Variants in SCRG1 observed in about 807,000 individuals in gnomAD.
The protein encoded by SCRG1 is stimulator of chondrogenesis 1.
SCRG1 carries 3 observed loss-of-function variants against 7.7 expected under a neutral mutation model. The observed-to-expected ratio is 0.39, with a 90% CI of 0.18 to 1.01. SCRG1 has a LOEUF of 1.01. Ranked by LOEUF, SCRG1 falls within the 50% of genes least tolerant of loss-of-function variation. The pLI is 0.36. For missense variants in SCRG1, 110 were observed against 117.2 expected, an observed-to-expected ratio of 0.94 and a Z score of 0.28; for synonymous variants, 46 against 41.2, an observed-to-expected ratio of 1.12 and a Z score of -0.44.
chr4:173,509,736 C>CG, the SCRG1 span, among the ~76,000 whole-genome samples: 1 of 151,996 alleles, frequency 6.6e-6, no homozygotes, highest in Admixed American at 6.5e-5. This position sits in a 1 kb window ranked among gnomAD's most constrained non-coding sequence, Gnocchi z 5.7. Context: ...GGGCCCTTCT[C>CG]GGGGGAGATA....
upstream of SCRG1, among the ~76,000 whole-genome samples, chr4:173,400,870 A>G (rs1739743348): frequency 6.6e-6 from 1 of 152,208 alleles, no homozygotes; most frequent in Admixed American, 6.5e-5. Context: ...AGAATAGATT[A>G]TAAAGTTCAT....
chr4:173,501,737 G>T, the SCRG1 span, among the ~76,000 whole-genome samples: 1 of 152,170 alleles, frequency 6.6e-6, no homozygotes, highest in African/African-American at 2.4e-5. This position sits in a 1 kb window ranked among gnomAD's most constrained non-coding sequence, Gnocchi z 5.1. Context: ...TTATCTAGGA[G>T]AATTCAGGTT....
the SCRG1 span, among the ~76,000 whole-genome samples, chr4:173,432,860 G>T: frequency 2.6e-5 from 4 of 152,124 alleles, no homozygotes; most frequent in East Asian, 7.7e-4. Context: ...ACAGATTCAC[G>T]TAACACTACC....
the SCRG1 span, among the ~76,000 whole-genome samples, chr4:173,470,232 G>A: frequency 4.7e-4 from 69 of 148,346 alleles, 1 homozygote; most frequent in African/African-American, 1.6e-3. Context: ...TTACCAGATA[G>A]TATAAACTAT....
the SCRG1 span, among the ~76,000 whole-genome samples, chr4:173,450,365 A>G: frequency 1.3e-5 from 2 of 151,974 alleles, no homozygotes; most frequent in Non-Finnish European, 2.9e-5. Context: ...TACTCCAGAT[A>G]TTTTTTTTAA....
the SCRG1 span, among the ~76,000 whole-genome samples, chr4:173,472,437 C>T: frequency 2.0e-5 from 3 of 152,138 alleles, no homozygotes; most frequent in African/African-American, 4.8e-5. Flanking sequence ...GAAATTTGCT[C>T]ATGTGATTGT....
chr4:173,418,201 C>T, the SCRG1 span, among the ~76,000 whole-genome samples: 3 of 152,172 alleles, frequency 2.0e-5, no homozygotes, highest in East Asian at 1.9e-4. Context: ...AATACATTGC[C>T]CTCCCTGCAT....
chr4:173,508,642 A>G, the SCRG1 span, among the ~76,000 whole-genome samples: 1 of 152,226 alleles, frequency 6.6e-6, no homozygotes, highest in Non-Finnish European at 1.5e-5. This position sits in a 1 kb window ranked among gnomAD's most constrained non-coding sequence, Gnocchi z 4.4. Context: ...GAAAGGCACT[A>G]GAGAAGGCCT....
chr4:173,483,652 T>TGA, the SCRG1 span, among the ~76,000 whole-genome samples: 11 of 24,562 alleles, frequency 4.5e-4, 1 homozygote, highest in East Asian at 5.6e-3. Flanking sequence ...ATATGATATA[T>TGA]TATATTGTGA....
the SCRG1 span, among the ~76,000 whole-genome samples, chr4:173,463,464 C>A: frequency 2.0e-5 from 3 of 151,906 alleles, no homozygotes; most frequent in Non-Finnish European, 4.4e-5. Context: ...CAGTAGAGGC[C>A]CACCTCACTA....
rs1553964077 is a variant in SCRG1 at position 173,388,378 on chromosome 4, G to T, written c.260C>A (p.Pro87Gln). ...LCCPKDVFFG[P>Q]KISFVIPCNN... ...GCAAGGAATCACGAAAGAGATCTTT[G>T]GTCCAAAGAAAACGTCTCTGAAAGA... The change falls in exon 3 of 3, where the codon CCA becomes CAA. Residue 87 changes from proline (P) to glutamine (Q), a missense_variant. Physicochemically the swap from Pro to Gln is moderately conservative, Grantham distance 76. Coordinates refer to ENST00000296506, the MANE Select transcript of SCRG1 (RefSeq NM_007281.4). The T allele has an allele frequency of 1.2e-6, 2 of 1,611,122 alleles. No individual in the cohort carries two copies. Among genetic ancestry groups the T allele is most frequent in the Non-Finnish European group, 1.7e-6 (2 of 1,178,232 alleles).
chr4:173,414,726 C>A, the SCRG1 span, among the ~76,000 whole-genome samples: 1 of 152,204 alleles, frequency 6.6e-6, no homozygotes, highest in African/African-American at 2.4e-5. Flanking sequence ...ACAGCTTTCC[C>A]CATTTTTCCA....
At chr4:173,460,510 T>C in the SCRG1 span, among the ~76,000 whole-genome samples, 1 of 152,228 alleles carries the variant, frequency 6.6e-6, no homozygotes, top group Non-Finnish European at 1.5e-5. Flanking sequence ...GTCAGACTCA[T>C]GAGGCCTCCA....
the SCRG1 span, among the ~76,000 whole-genome samples, chr4:173,458,755 T>G: frequency 6.6e-6 from 1 of 152,056 alleles, no homozygotes; most frequent in Non-Finnish European, 1.5e-5. Context: ...TCATTACCTA[T>G]CAATAATACC....
chr4:173,443,183 A>G, the SCRG1 span, among the ~76,000 whole-genome samples: 1 of 152,170 alleles, frequency 6.6e-6, no homozygotes, highest in African/African-American at 2.4e-5. Context: ...TGCTTTTCAG[A>G]TCTTATGAGA....
the SCRG1 span, among the ~76,000 whole-genome samples, chr4:173,473,172 A>G: frequency 6.6e-6 from 1 of 152,226 alleles, no homozygotes; most frequent in Admixed American, 6.5e-5. Context: ...AGTATCTACT[A>G]TATGCTAGGC....
the SCRG1 span, among the ~76,000 whole-genome samples, chr4:173,484,675 G>A: frequency 2.8e-5 from 1 of 35,256 alleles, no homozygotes; most frequent in Non-Finnish European, 5.1e-5. Context: ...ATAACATGAT[G>A]TATAATATAT....
chr4:173,404,813 T>G (rs927250964), intron 1 of SCRG1, among the ~76,000 whole-genome samples: 5 of 152,198 alleles, frequency 3.3e-5, no homozygotes, highest in Non-Finnish European at 7.3e-5. Context: ...TAATTGATTG[T>G]TTTTATTGCT....
chr4:173,429,026 G>A, the SCRG1 span, among the ~76,000 whole-genome samples: 1 of 152,064 alleles, frequency 6.6e-6, no homozygotes, highest in Non-Finnish European at 1.5e-5. Context: ...TGATCAAATT[G>A]AAAGTTAATT....
Sources: allele counts gnomAD v4.1 joint callset (sites outside exome capture counted in the v4.1 genomes callset), GRCh38; gene constraint gnomAD v4.1.1; non-coding constraint Gnocchi (gnomAD v3.1); transcripts MANE v1.5; gene names NCBI Gene and HGNC (gene_info 2026-07-23, HGNC 2026-07-21).